Variants in ADAM11 observed in about 807,000 individuals in gnomAD.
ADAM11 encodes the protein disintegrin and metalloproteinase domain-containing protein 11.
A neutral mutation model predicts 119.1 loss-of-function variants in ADAM11; 49 were observed. The ratio of observed to expected loss-of-function variants is 0.41; its 90% CI spans 0.33 to 0.52. The LOEUF is 0.52. Ranked by LOEUF, ADAM11 falls within the 20% of genes least tolerant of loss-of-function variation. The probability of loss-of-function intolerance (pLI) is 0.20; values close to 1 mark genes in which losing one functional copy is unlikely to be tolerated. For synonymous variants in ADAM11, 364 were observed against 408.0 expected, an observed-to-expected ratio of 0.89 and a Z score of 1.30; for missense variants, 777 against 1,047.5, an observed-to-expected ratio of 0.74 and a Z score of 3.56.
chr17:44,759,155 G>T lies in ADAM11; in HGVS notation c.-45G>T. 1.0e-6 allele frequency: 1 copy of T among 967,990 alleles called. No homozygotes were observed. Among genetic ancestry groups the T allele is most frequent in the Non-Finnish European group, 1.2e-6 (1 of 810,018 alleles). 60.0% of individuals were successfully genotyped at this position (967,990 alleles called of 1,614,324 possible). ...CCGTCCCTGCTCCCGCCCTCCCCGC[G>T]CCGCTGGCAGCCGCAGCCCCCGGAC... On this transcript the variant is annotated 5_prime_UTR_variant, in exon 1 of 27. Transcript: ENST00000200557.
In ADAM11 at chr17:44,775,891, C is replaced by G. The variant is rs1449331049; in HGVS notation, c.1485+215C>G. 1.4e-5 allele frequency among the ~76,000 whole-genome samples: 2 copies of G among 146,694 alleles called. No individual in the cohort carries two copies. The highest frequency in any genetic ancestry group is 3.0e-5 in the Non-Finnish European group (2 of 67,124). On this transcript the variant is annotated intron_variant, in intron 17 of 26. Coordinates refer to ENST00000200557, the MANE Select transcript of ADAM11 (RefSeq NM_002390.6). The surrounding 1 kb of genome is among the most constrained non-coding windows in gnomAD (Gnocchi z 7.5). Reference sequence around the variant, plus strand: ...CGAGGAGCGGGAAGGGAAGGCTGCCCAGAATCAAGGAGGGGCGGGAAGGTG... The same window carrying G: ...CGAGGAGCGGGAAGGGAAGGCTGCCGAGAATCAAGGAGGGGCGGGAAGGTG...
At chr17:44,762,624 G>C (rs1208573381) in intron 2 of ADAM11, among the ~76,000 whole-genome samples, 1 of 152,186 alleles carries the variant, frequency 6.6e-6, no homozygotes, top group African/African-American at 2.4e-5. Context: ...ATGCTGGCTG[G>C]CAGGGCCTGG....
At position 44,772,848 on chromosome 17, in the gene ADAM11, AC is replaced by A; in HGVS notation, c.679-3del. ...AGGGACTGATTCCAAGTGCCCACCCACCCCCCAGGTCCGCCGGGGCCACCCT... is the reference window on the plus strand; with the variant it reads ...AGGGACTGATTCCAAGTGCCCACCCACCCCCAGGTCCGCCGGGGCCACCCT... On this transcript the variant is annotated splice_polypyrimidine_tract_variant and splice_region_variant and intron_variant, in intron 8 of 26. Transcript: ENST00000200557. This position sits in a 1 kb window ranked among gnomAD's most constrained non-coding sequence, Gnocchi z 4.5. The A allele has an allele frequency of 1.2e-6, 2 of 1,608,056 alleles. No homozygotes were observed. The highest frequency in any genetic ancestry group is 1.7e-6 in the Non-Finnish European group (2 of 1,177,040).
Position 44,769,813 on chromosome 17 carries a change from C to T in ADAM11, c.314+19C>T. On this transcript the variant is annotated intron_variant, in intron 3 of 26. Coordinates refer to ENST00000200557, the MANE Select transcript of ADAM11 (RefSeq NM_002390.6). Reference sequence around the variant, plus strand: ...TGAACCAGTGAGTGTGGCCTTGAGCCCAAGAGGAAGGGCAGTGGTGGGGCG... The same window carrying T: ...TGAACCAGTGAGTGTGGCCTTGAGCTCAAGAGGAAGGGCAGTGGTGGGGCG... The T allele has an allele frequency of 1.9e-6, 3 of 1,613,170 alleles. No homozygotes were observed. The highest frequency in any genetic ancestry group is 2.5e-6 in the Non-Finnish European group (3 of 1,179,148).
Position 44,777,359 on chromosome 17 carries a change from T to A in ADAM11, c.1781+94T>A. On this transcript the variant is annotated intron_variant, in intron 21 of 26. Transcript: ENST00000200557. This position sits in a 1 kb window ranked among gnomAD's most constrained non-coding sequence, Gnocchi z 5.1. ...AGCAGGTTCTCCCAGGAGGAGCCTGTCAGTCCCAATGGGCGGGCACGTGGC... is the reference window on the plus strand; with the variant it reads ...AGCAGGTTCTCCCAGGAGGAGCCTGACAGTCCCAATGGGCGGGCACGTGGC... 2 of 1,524,368 alleles carry A rather than the reference T, an allele frequency of 1.3e-6. No homozygotes were observed. The highest frequency in any genetic ancestry group is 9.0e-7 in the Non-Finnish European group (1 of 1,111,538). The allele number at this position is 1,524,368 out of a possible 1,614,324, so 94.4% of individuals were successfully genotyped here. A position where few individuals can be genotyped will look rare whatever the true frequency, so the allele number is the denominator to read the frequency against.
At chr17:44,767,339 AG>A in intron 2 of ADAM11, among the ~76,000 whole-genome samples, 1 of 131,042 alleles carries the variant, frequency 7.6e-6, no homozygotes, top group Non-Finnish European at 1.6e-5. Context: ...TGGGTGATAG[AG>A]TGAGACTCCA....
At chr17:44,774,403 G>A (rs924526187) in intron 12 of ADAM11, 24 bp downstream of exon 12, 3 of 1,528,434 alleles carry the variant, frequency 2.0e-6, no homozygotes, top group African/African-American at 1.4e-5. Flanking sequence ...GGACATGGCT[G>A]GGGTGGCGGC....
chr17:44,775,572 C>T lies in ADAM11; in HGVS notation c.1393-12C>T, dbSNP rs758456257. 55 of 1,564,346 alleles carry T rather than the reference C, an allele frequency of 3.5e-5. No homozygotes were observed. Among genetic ancestry groups the T allele is most frequent in the Non-Finnish European group, 4.6e-5 (53 of 1,156,954 alleles). ...CTCGCCCGCCTCCTTCCCCTCCTCC[C>T]GCGTCCCTCAGGAGTGCAGCCGCGC... On this transcript the variant is annotated splice_polypyrimidine_tract_variant and intron_variant, in intron 16 of 26. Coordinates refer to ENST00000200557, the MANE Select transcript of ADAM11 (RefSeq NM_002390.6). This position sits in a 1 kb window ranked among gnomAD's most constrained non-coding sequence, Gnocchi z 7.5.
At chr17:44,760,149 G>A (rs1006533452) in intron 2 of ADAM11, among the ~76,000 whole-genome samples, 42 of 152,230 alleles carry the variant, frequency 2.8e-4, no homozygotes, top group African/African-American at 9.6e-4. Context: ...CTAGGTCTCA[G>A]GTCTGCTTTG....
chr17:44,775,084 C>A lies in ADAM11; in HGVS notation c.1221-128C>A. ...CAGGCGGGAGGATTCTGGTGCAATC[C>A]CGGGGCAGATCCTCCGCCTCCTCGC... On this transcript the variant is annotated intron_variant, in intron 14 of 26. Transcript: ENST00000200557. This position sits in a 1 kb window ranked among gnomAD's most constrained non-coding sequence, Gnocchi z 7.5. The A allele has an allele frequency of 1.2e-6, 1 of 853,776 alleles. No individual in the cohort carries two copies. The highest frequency in any genetic ancestry group is 1.9e-6 in the Non-Finnish European group (1 of 533,096). The allele number at this position is 853,776 out of a possible 1,614,324, so 52.9% of individuals were successfully genotyped here. A position where few individuals can be genotyped will look rare whatever the true frequency, so the allele number is the denominator to read the frequency against.
In ADAM11 at chr17:44,769,713, C is replaced by A. The variant is rs770178695; in HGVS notation, c.238-5C>A. ...TGACTCCCCCTCTGCCCTCCCCCCACCCAGCCTGTCCATCTGGCCCAGGTG... is the reference window on the plus strand; with the variant it reads ...TGACTCCCCCTCTGCCCTCCCCCCAACCAGCCTGTCCATCTGGCCCAGGTG... On this transcript the variant is annotated splice_region_variant and splice_polypyrimidine_tract_variant and intron_variant, in intron 2 of 26. Transcript: ENST00000200557. 1 of 1,596,462 alleles carries A rather than the reference C, an allele frequency of 6.3e-7. No homozygotes were observed. The highest frequency in any genetic ancestry group is 2.2e-5 in the East Asian group (1 of 44,808).
In ADAM11 at chr17:44,772,270, C is replaced by A; in HGVS notation, c.547C>A (p.Pro183Thr). 1 of 1,608,186 alleles carries A rather than the reference C, an allele frequency of 6.2e-7. No individual in the cohort carries two copies. Among genetic ancestry groups the A allele is most frequent in the South Asian group, 1.1e-5 (1 of 89,834 alleles). The change falls in exon 7 of 27, where the codon CCC (proline) becomes ACC (threonine). Residue 183 changes from proline (P) to threonine (T), a missense_variant. Around this residue, in one of 4 missense-constraint regions of ADAM11, gnomAD observed 278 missense variants for 310.1 expected, o/e 0.90. Transcript: ENST00000200557. The surrounding 1 kb of genome is among the most constrained non-coding windows in gnomAD (Gnocchi z 4.5). The stretch of plus-strand genomic sequence containing the variant: ...AACTAATTTCCCCTCATTGCAGGGA[C>A]CCCTTCCCCACCTCATTTACCGGAC... ...VAGPWGAPQGPLPHLIYRTPL... is the reference protein window; with the variant it reads ...VAGPWGAPQGTLPHLIYRTPL...
Position 44,776,107 on chromosome 17 carries a change from G to A in ADAM11, c.1486-20G>A. On this transcript the variant is annotated intron_variant, in intron 17 of 26. Transcript: ENST00000200557. This position sits in a 1 kb window ranked among gnomAD's most constrained non-coding sequence, Gnocchi z 5.2. ...GAGGCATCCATCCTGCCTGACTCGAGGAGCGCGTCTCTTCCCTAGTACGAA... is the reference window on the plus strand; with the variant it reads ...GAGGCATCCATCCTGCCTGACTCGAAGAGCGCGTCTCTTCCCTAGTACGAA... The A allele has an allele frequency of 6.2e-7, 1 of 1,613,214 alleles. No individual in the cohort carries two copies.
Position 44,777,963 on chromosome 17 carries a change from T to C in ADAM11, c.2082T>C (p.Asn694=). 2 of 1,613,998 alleles carry C rather than the reference T, an allele frequency of 1.2e-6. No homozygotes were observed. Among genetic ancestry groups the C allele is most frequent in the Admixed American group, 1.7e-5 (1 of 59,980 alleles). The change falls in exon 24 of 27, where the codon AAT becomes AAC. Residue 694 remains asparagine (N), a synonymous_variant. Transcript: ENST00000200557. The surrounding 1 kb of genome is among the most constrained non-coding windows in gnomAD (Gnocchi z 5.1). Reference sequence around the variant, plus strand: ...TGCCCTGCCTCTAGGTCTGCAGCAATGAAGGGAAGTGCATCTGTCAGCCAG... The same window carrying C: ...TGCCCTGCCTCTAGGTCTGCAGCAACGAAGGGAAGTGCATCTGTCAGCCAG... ...RICSHHGVCS[N]EGKCICQPDW... is the part of the protein sequence containing the mutation.
rs543544885 is a variant in ADAM11, at chr17:44,773,235, C to T, written c.826-26C>T. 6.2e-6 allele frequency: 10 copies of T among 1,611,602 alleles called. No individual in the cohort carries two copies. In the South Asian group the frequency reaches 9.9e-5, roughly 16 times the overall value. On this transcript the variant is annotated intron_variant, in intron 10 of 26. Coordinates refer to ENST00000200557, the MANE Select transcript of ADAM11 (RefSeq NM_002390.6). The surrounding 1 kb of genome is among the most constrained non-coding windows in gnomAD (Gnocchi z 4.6). Reference sequence around the variant, plus strand: ...CCTGGCCCCAACACCCACTCCCACCCTCCAGCCCCCTCATCTTCTCCCCAG... The same window carrying T: ...CCTGGCCCCAACACCCACTCCCACCTTCCAGCCCCCTCATCTTCTCCCCAG...
intron 2 of ADAM11, 66 bp downstream of exon 2, chr17:44,759,963 G>T (rs2049370056): frequency 8.1e-7 from 1 of 1,241,456 alleles, no homozygotes; most frequent in Non-Finnish European, 1.0e-6. Flanking sequence ...AAGCCCACGG[G>T]GTAACCAGGG....
Position 44,772,506 on chromosome 17 carries a change from G to A in ADAM11, c.678+40G>A, listed in dbSNP as rs776106035. 14 of 1,547,480 alleles carry A rather than the reference G, an allele frequency of 9.0e-6. No individual in the cohort carries two copies. Among genetic ancestry groups the A allele is most frequent in the African/African-American group, 4.1e-5 (3 of 73,062 alleles). ...ACAGACCTCGGGCTGCAGAGACCTC[G>A]GGCTGCAGAGAGACCTCAGGCCGTG... On this transcript the variant is annotated intron_variant, in intron 8 of 26. Coordinates refer to ENST00000200557, the MANE Select transcript of ADAM11 (RefSeq NM_002390.6). This position sits in a 1 kb window ranked among gnomAD's most constrained non-coding sequence, Gnocchi z 4.5.
In ADAM11 at chr17:44,772,378, C is replaced by A. The variant is rs572942832; in HGVS notation, c.611-21C>A. On this transcript the variant is annotated intron_variant, in intron 7 of 26. Coordinates refer to ENST00000200557, the MANE Select transcript of ADAM11 (RefSeq NM_002390.6). The surrounding 1 kb of genome is among the most constrained non-coding windows in gnomAD (Gnocchi z 4.5). ...GTGGGGAGGGGCCGGCTGTGCCCCCCTCACCTGCCCCTCCCCACAGGCTGC... is the reference window on the plus strand; with the variant it reads ...GTGGGGAGGGGCCGGCTGTGCCCCCATCACCTGCCCCTCCCCACAGGCTGC... 66 of 1,579,370 alleles carry A rather than the reference C, an allele frequency of 4.2e-5. No individual in the cohort carries two copies. The highest frequency in any genetic ancestry group is 5.0e-5 in the Non-Finnish European group (58 of 1,161,472).
Position 44,776,203 on chromosome 17 carries a change from G to C in ADAM11, c.1562G>C (p.Ser521Thr). 6.2e-7 allele frequency: 1 copy of C among 1,613,318 alleles called. No homozygotes were observed. The highest frequency in any genetic ancestry group is 8.5e-7 in the Non-Finnish European group (1 of 1,179,906). ...GCGGAGACCTGCACCGGGGACTCTA[G>C]CCAGGTCCGCCCGGCCCCGCCGTCT... ...DIAETCTGDSSQCPPNLHKLD... is the reference protein window; with the variant it reads ...DIAETCTGDSTQCPPNLHKLD... Residue 521 changes from serine (S) to threonine (T), a missense_variant, in exon 18 of 27, where the codon AGC (serine) becomes ACC (threonine). By Grantham distance (58) the Ser-to-Thr change is moderately conservative. Coordinates refer to ENST00000200557, the MANE Select transcript of ADAM11 (RefSeq NM_002390.6). The surrounding 1 kb of genome is among the most constrained non-coding windows in gnomAD (Gnocchi z 5.2).
Sources: allele counts gnomAD v4.1 joint callset (sites outside exome capture counted in the v4.1 genomes callset), GRCh38; gene constraint gnomAD v4.1.1; regional missense constraint gnomAD v4.1.1; non-coding constraint Gnocchi (gnomAD v3.1); transcripts MANE v1.5; gene names NCBI Gene and HGNC (gene_info 2026-07-23, HGNC 2026-07-21).